The following EIF3H variants were observed in gnomAD, a reference collection of about 807,000 sequenced individuals.
EIF3H encodes the protein eukaryotic translation initiation factor 3 subunit H.
A neutral mutation model predicts 44.2 loss-of-function variants in EIF3H; 26 were observed. That is an observed-to-expected ratio of 0.59 (90% confidence interval 0.43 to 0.82). EIF3H has a LOEUF of 0.82. Ranked by LOEUF, EIF3H falls within the 40% of genes least tolerant of loss-of-function variation. EIF3H has a pLI of 0.00. For missense variants in EIF3H, 359 were observed against 432.8 expected (o/e 0.83, Z 1.51); for synonymous variants, 166 against 151.9 (o/e 1.09, Z -0.68).
intron 6 of EIF3H, among the ~76,000 whole-genome samples, chr8:116,647,200 C>G (rs1482537560): frequency 1.3e-5 from 2 of 152,118 alleles, no homozygotes; most frequent in East Asian, 1.9e-4. Flanking sequence ...CTCCCCAGTT[C>G]AAGCAATTCT....
At chr8:116,672,930 C>G (rs1317953665) in intron 2 of EIF3H, among the ~76,000 whole-genome samples, 1 of 150,802 alleles carries the variant, frequency 6.6e-6, no homozygotes, top group Non-Finnish European at 1.5e-5. Flanking sequence ...ACATATGGCA[C>G]TCATGAAATC....
intron 2 of EIF3H, among the ~76,000 whole-genome samples, chr8:116,720,806 T>C (rs1342045350): frequency 6.6e-6 from 1 of 152,078 alleles, no homozygotes; most frequent in African/African-American, 2.4e-5. Context: ...AAATGATTTG[T>C]GGAACTCTGA....
At chr8:116,723,391 G>A (rs1814784431) in intron 2 of EIF3H, among the ~76,000 whole-genome samples, 1 of 151,992 alleles carries the variant, frequency 6.6e-6, no homozygotes, top group Non-Finnish European at 1.5e-5. Flanking sequence ...AATTCTGTGG[G>A]AGGTAATTCA....
intron 2 of EIF3H, among the ~76,000 whole-genome samples, chr8:116,676,991 C>T (rs1214757960): frequency 6.6e-6 from 1 of 152,054 alleles, no homozygotes; most frequent in Non-Finnish European, 1.5e-5. Context: ...GATAGCTCTC[C>T]TTATGGTATG....
chr8:116,650,944 TA>T (rs1477638356), intron 5 of EIF3H, among the ~76,000 whole-genome samples: 1 of 152,124 alleles, frequency 6.6e-6, no homozygotes, highest in Admixed American at 6.6e-5. Flanking sequence ...CTCCATTTTA[TA>T]AAATATCCAG....
At chr8:116,714,720 G>T (rs988087641) in intron 2 of EIF3H, among the ~76,000 whole-genome samples, 4 of 151,762 alleles carry the variant, frequency 2.6e-5, no homozygotes, top group Admixed American at 2.0e-4. Flanking sequence ...TGCAACAAAA[G>T]AAAGAGAGTT....
intron 2 of EIF3H, among the ~76,000 whole-genome samples, chr8:116,692,353 A>C (rs1814193351): frequency 6.6e-6 from 1 of 152,210 alleles, no homozygotes. Flanking sequence ...CAGCACATTT[A>C]AAAGATTATA....
At chr8:116,683,675 A>G (rs780302533) in intron 2 of EIF3H, among the ~76,000 whole-genome samples, 5 of 152,220 alleles carry the variant, frequency 3.3e-5, no homozygotes, top group African/African-American at 7.2e-5. Context: ...AAATTTTGTA[A>G]TAAGAAATGG....
chr8:116,686,565 C>G (rs1037374513), intron 2 of EIF3H, among the ~76,000 whole-genome samples: 1 of 151,776 alleles, frequency 6.6e-6, no homozygotes, highest in African/African-American at 2.4e-5. Context: ...ATGGTAAAAG[C>G]TGACACAGCC....
chr8:116,709,517 C>T (rs1426321928), intron 2 of EIF3H, among the ~76,000 whole-genome samples: 1 of 152,134 alleles, frequency 6.6e-6, no homozygotes, highest in African/African-American at 2.4e-5. Flanking sequence ...AACTATTGTA[C>T]AAATTTTTGA....
intron 1 of EIF3H, among the ~76,000 whole-genome samples, chr8:116,761,156 C>G (rs910718804): frequency 4.6e-5 from 7 of 152,126 alleles, no homozygotes; most frequent in African/African-American, 1.7e-4. Flanking sequence ...TTATTTTCAC[C>G]ATTTAAATTA....
At chr8:116,687,065 A>G (rs1586456502) in intron 2 of EIF3H, among the ~76,000 whole-genome samples, 1 of 152,270 alleles carries the variant, frequency 6.6e-6, no homozygotes, top group South Asian at 2.1e-4. Flanking sequence ...GTAAGACATT[A>G]CCTAGGAACA....
intron 2 of EIF3H, among the ~76,000 whole-genome samples, chr8:116,668,141 A>T (rs1344857374): frequency 6.6e-6 from 1 of 152,252 alleles, no homozygotes; most frequent in Non-Finnish European, 1.5e-5. Context: ...CCTTCTGAGT[A>T]GACTTTGTTT....
At chr8:116,654,610 A>T (rs1813457383) in intron 5 of EIF3H, among the ~76,000 whole-genome samples, 1 of 152,228 alleles carries the variant, frequency 6.6e-6, no homozygotes, top group African/African-American at 2.4e-5. Flanking sequence ...TGACCTTCTA[A>T]AACAGACAAA....
intron 6 of EIF3H, among the ~76,000 whole-genome samples, chr8:116,647,115 T>C (rs1442285339): frequency 6.6e-6 from 1 of 152,098 alleles, no homozygotes; most frequent in Non-Finnish European, 1.5e-5. Context: ...ACACAGAGTC[T>C]CATTCTGTCA....
chr8:116,676,019 A>T (rs1257087593), intron 2 of EIF3H, among the ~76,000 whole-genome samples: 1 of 152,248 alleles, frequency 6.6e-6, no homozygotes, highest in Admixed American at 6.5e-5. Context: ...AGTTAAAAAA[A>T]ATTAGCTGCT....
chr8:116,691,720 C>T (rs1252265670), intron 2 of EIF3H, among the ~76,000 whole-genome samples: 1 of 152,000 alleles, frequency 6.6e-6, no homozygotes, highest in Non-Finnish European at 1.5e-5. Context: ...ACTAAAAATA[C>T]AAAAATTAGC....
intron 2 of EIF3H, among the ~76,000 whole-genome samples, chr8:116,683,583 T>C (rs1814027322): frequency 6.6e-6 from 1 of 152,206 alleles, no homozygotes; most frequent in Non-Finnish European, 1.5e-5. Context: ...CCTTAACAAC[T>C]CTTATTTAAC....
intron 2 of EIF3H, among the ~76,000 whole-genome samples, chr8:116,720,855 T>C (rs1001920526): frequency 1.3e-5 from 2 of 152,114 alleles, no homozygotes; most frequent in Middle Eastern, 3.4e-3. Flanking sequence ...GTGGAAAAAA[T>C]TTCTAAGCAG....
Sources: allele counts gnomAD v4.1 joint callset (sites outside exome capture counted in the v4.1 genomes callset), GRCh38; gene constraint gnomAD v4.1.1; transcripts MANE v1.5; gene names NCBI Gene and HGNC (gene_info 2026-07-23, HGNC 2026-07-21).